The following GPC6 variants were observed in gnomAD, a reference collection of about 807,000 sequenced individuals.
GPC6 encodes the protein glypican-6.
A neutral mutation model predicts 55.2 loss-of-function variants in GPC6; 14 were observed. The observed-to-expected ratio is 0.25, with a 90% confidence interval of 0.17 to 0.40. GPC6 has a LOEUF of 0.40. Among genes scored for constraint, GPC6 ranks in the 10% least tolerant of loss-of-function variants. The pLI is 1.00. For synonymous variants in GPC6, 278 were observed against 259.6 expected, an observed-to-expected ratio of 1.07 and a Z score of -0.68; for missense variants, 641 against 708.5, an observed-to-expected ratio of 0.90 and a Z score of 1.08.
chr13:94,369,920 A>C (rs2139190962), intron 6 of GPC6, among the ~76,000 whole-genome samples: 1 of 152,222 alleles, frequency 6.6e-6, no homozygotes, highest in South Asian at 2.1e-4. Context: ...TTGAAATCTT[A>C]CTTCCCTTAG....
In GPC6 at chr13:93,912,469, T is replaced by A. The variant is rs35308914; in HGVS notation, c.711+81924T>A. Among the ~76,000 whole-genome samples, 60 of 152,164 alleles carry A rather than the reference T, an allele frequency of 3.9e-4. No homozygotes were observed. In the South Asian group the frequency reaches 5.0e-3, roughly 13 times the overall value. Reference sequence around the variant, plus strand: ...TCAAAACAAGACAAATTCGGCCGGGTGCAGTGGCTCACGCCTGTAATCCCA... The same window carrying A: ...TCAAAACAAGACAAATTCGGCCGGGAGCAGTGGCTCACGCCTGTAATCCCA... On this transcript the variant is annotated intron_variant, in intron 3 of 8. Transcript: ENST00000377047.
rs1466011104 is a variant in GPC6 at position 94,167,712 on chromosome 13, T to C, written c.878-118637T>C. The stretch of plus-strand genomic sequence containing the variant: ...GGAAATATGAGAAGGGCTGGAAGAT[T>C]TGAGGAGCTGCAAGTCTTGCTAGAG... On this transcript the variant is annotated intron_variant, in intron 4 of 8. Transcript: ENST00000377047. Among the ~76,000 whole-genome samples, 2 of 151,920 alleles carry C rather than the reference T, an allele frequency of 1.3e-5. 1 individual carries two copies. Among genetic ancestry groups the C allele is most frequent in the African/African-American group, 4.8e-5 (2 of 41,352 alleles).
intron 1 of GPC6, among the ~76,000 whole-genome samples, chr13:93,337,525 G>A (rs1463941461): frequency 1.3e-5 from 2 of 151,884 alleles, no homozygotes; most frequent in Non-Finnish European, 2.9e-5. Flanking sequence ...AAAAAAATCA[G>A]AGGCACGAGA....
chr13:93,575,154 T>C (rs922486663), intron 2 of GPC6, among the ~76,000 whole-genome samples: 32 of 151,666 alleles, frequency 2.1e-4, no homozygotes, highest in Non-Finnish European at 2.9e-5. Flanking sequence ...ATTAGCAGGG[T>C]GTGATGGTGC....
At chr13:93,692,591 T>C (rs779043384) in intron 2 of GPC6, among the ~76,000 whole-genome samples, 11 of 152,100 alleles carry the variant, frequency 7.2e-5, no homozygotes, top group Non-Finnish European at 1.6e-4. Flanking sequence ...ACATTATGGA[T>C]CATTAGAAAA....
intron 4 of GPC6, among the ~76,000 whole-genome samples, chr13:94,102,761 A>G (rs977212447): frequency 1.3e-5 from 2 of 152,158 alleles, no homozygotes; most frequent in African/African-American, 4.8e-5. Flanking sequence ...TTCCTTTTTA[A>G]ATGAAAATAG....
At chr13:93,301,995 GT>G (rs1231981645) in intron 1 of GPC6, among the ~76,000 whole-genome samples, 28 of 152,278 alleles carry the variant, frequency 1.8e-4, no homozygotes, top group African/African-American at 6.5e-4. Flanking sequence ...TAAGGACTTG[GT>G]TTAGTTATAC....
At chr13:93,566,220 C>G (rs1394669382) in intron 2 of GPC6, among the ~76,000 whole-genome samples, 1 of 152,186 alleles carries the variant, frequency 6.6e-6, no homozygotes, top group African/African-American at 2.4e-5. Context: ...ACTGCAAGAG[C>G]AGTTACTACC....
At chr13:93,533,243 T>G (rs1375917968) in intron 1 of GPC6, among the ~76,000 whole-genome samples, 1 of 152,208 alleles carries the variant, frequency 6.6e-6, no homozygotes, top group African/African-American at 2.4e-5. Flanking sequence ...AATTAGGTTG[T>G]ATAGGAAATG....
chr13:93,306,523 C>T (rs940949730), intron 1 of GPC6, among the ~76,000 whole-genome samples: 1 of 152,012 alleles, frequency 6.6e-6, no homozygotes, highest in African/African-American at 2.4e-5. Context: ...AAAATATAAT[C>T]ACTAAATCTT....
At chr13:93,331,622 G>GT (rs994497902) in intron 1 of GPC6, among the ~76,000 whole-genome samples, 6 of 137,748 alleles carry the variant, frequency 4.4e-5, no homozygotes, top group Non-Finnish European at 9.3e-5. Context: ...CTGAAACATT[G>GT]TTTTTTCATC....
chr13:93,799,896 T>C (rs972700865), intron 2 of GPC6, among the ~76,000 whole-genome samples: 1 of 152,120 alleles, frequency 6.6e-6, no homozygotes, highest in Non-Finnish European at 1.5e-5. Flanking sequence ...TGGAAAAAAT[T>C]CCACTTTCAT....
At chr13:94,344,923 T>C (rs1311737580) in intron 6 of GPC6, among the ~76,000 whole-genome samples, 1 of 152,238 alleles carries the variant, frequency 6.6e-6, no homozygotes, top group African/African-American at 2.4e-5. Flanking sequence ...CTTTGTTGAA[T>C]TAAAGTTGTT....
chr13:94,096,183 C>A (rs530045767), intron 4 of GPC6, among the ~76,000 whole-genome samples: 7 of 152,210 alleles, frequency 4.6e-5, no homozygotes, highest in African/African-American at 1.7e-4. Flanking sequence ...ACACAGAATT[C>A]TACTTTAAAA....
chr13:93,751,794 C>T (rs957938256), intron 2 of GPC6, among the ~76,000 whole-genome samples: 1 of 151,980 alleles, frequency 6.6e-6, no homozygotes, highest in Non-Finnish European at 1.5e-5. Flanking sequence ...TCAGAGAGCT[C>T]GGATTACAAG....
chr13:93,619,491 C>A (rs1378771523), intron 2 of GPC6, among the ~76,000 whole-genome samples: 5 of 152,108 alleles, frequency 3.3e-5, no homozygotes, highest in Admixed American at 6.6e-5. Context: ...TTCCCTTTGT[C>A]ACCCAGGATA....
intron 7 of GPC6, among the ~76,000 whole-genome samples, chr13:94,388,155 C>A (rs560181174): frequency 6.6e-6 from 1 of 152,310 alleles, no homozygotes; most frequent in South Asian, 2.1e-4. Flanking sequence ...ATTTAATTGG[C>A]AACCATGTGT....
At chr13:93,649,580 A>G (rs551026726) in intron 2 of GPC6, among the ~76,000 whole-genome samples, 34 of 152,240 alleles carry the variant, frequency 2.2e-4, no homozygotes, top group Non-Finnish European at 4.4e-4. Flanking sequence ...CAGCAAAAAA[A>G]TGGTGAGATC....
At chr13:94,339,488 C>T (rs1877908535) in intron 6 of GPC6, among the ~76,000 whole-genome samples, 1 of 152,116 alleles carries the variant, frequency 6.6e-6, no homozygotes, top group Non-Finnish European at 1.5e-5. Flanking sequence ...GATACAGCCT[C>T]AGGAAATTTA....
Sources: gnomAD v4.1 joint callset for allele counts (sites outside exome capture counted in the v4.1 genomes callset) on GRCh38, gnomAD v4.1.1 for gene constraint, MANE v1.5 for transcripts, NCBI Gene and HGNC (gene_info 2026-07-23, HGNC 2026-07-21) for gene names.